CDH1: variants seen among roughly 807,000 people sequenced by gnomAD.
CDH1 encodes the protein cadherin 1.
Under a neutral mutation model 84.5 loss-of-function variants are expected in CDH1, and 35 were observed. That is an observed-to-expected ratio of 0.41 (90% CI 0.32 to 0.55). The LOEUF (loss-of-function observed/expected upper bound fraction) is 0.55. CDH1 is among the 20% of genes least tolerant of loss of function. The pLI is 0.19. For missense variants in CDH1, 994 were observed against 1,126.6 expected (o/e 0.88, Z 1.68); for synonymous variants, 417 against 439.0 (o/e 0.95, Z 0.63).
At chr16:68,743,349 TTC>T (rs1188515233) in intron 2 of CDH1, among the ~76,000 whole-genome samples, 4 of 16,520 alleles carry the variant, frequency 2.4e-4, no homozygotes, top group South Asian at 2.8e-3. Context: ...CTTTCTTTCT[TTC>T]TTTCTTTCTT....
Position 68,737,857 on chromosome 16 carries a change from A to G in CDH1, c.48+394A>G, listed in dbSNP as rs1597838040. 2.6e-5 allele frequency among the ~76,000 whole-genome samples: 4 copies of G among 152,252 alleles called. 1 individual carries two copies. The highest frequency in any genetic ancestry group is 2.6e-4 in the Admixed American group (4 of 15,292). On this transcript the variant is annotated intron_variant, in intron 1 of 15. Transcript: ENST00000261769. Reference sequence around the variant, plus strand: ...CGATCTTCGAGGGAAGGAGAGGGGCATCCGTAGAAATAAAGGCACCTGCCA... The same window carrying G: ...CGATCTTCGAGGGAAGGAGAGGGGCGTCCGTAGAAATAAAGGCACCTGCCA...
intron 2 of CDH1, among the ~76,000 whole-genome samples, chr16:68,743,697 A>G (rs1329768599): frequency 2.6e-5 from 4 of 151,954 alleles, no homozygotes; most frequent in African/African-American, 9.7e-5. Context: ...CCTCAGCTCT[A>G]TCTCCTTTGA....
chr16:68,829,543 A>G, intron 14 of CDH1, 111 bp from the exon 15 acceptor site: 1 of 1,041,242 alleles, frequency 9.6e-7, no homozygotes, highest in South Asian at 1.3e-5. Context: ...AAGATCATAC[A>G]GTTGGCAGTG....
At chr16:68,765,654 C>G (rs1959354248) in intron 2 of CDH1, 1 of 148,828 alleles carries the variant, frequency 6.7e-6, no homozygotes, top group Admixed American at 6.7e-5. Flanking sequence ...CCTGAGTTGT[C>G]TTTGCTTGTT....
At position 68,773,181 on chromosome 16, in the gene CDH1, G is replaced by A. The variant is rs116501583; in HGVS notation, c.164-28489G>A. On this transcript the variant is annotated intron_variant, in intron 2 of 15. Coordinates refer to ENST00000261769, the MANE Select transcript of CDH1 (RefSeq NM_004360.5). ...GGCAGCTGGAGAAGGTGGGTGTTTT[G>A]TGTGTTCCCGTGCTTCAGCTAGATA... 2.0e-3 allele frequency among the ~76,000 whole-genome samples: 297 copies of A among 152,226 alleles called. 1 individual carries two copies. The highest frequency in any genetic ancestry group is 6.8e-3 in the African/African-American group (282 of 41,518).
Position 68,755,735 on chromosome 16 carries a change from ATATTG to A in CDH1, c.163+17325_163+17329del, listed in dbSNP as rs1267552610. On this transcript the variant is annotated intron_variant, in intron 2 of 15. Coordinates refer to ENST00000261769, the MANE Select transcript of CDH1 (RefSeq NM_004360.5). Reference sequence around the variant, plus strand: ...CCCCTCAGCATGTTGCCCAAGAGGAATATTGCTCCAGCAGAGTTTTCTAAATTTTT... The same window carrying A: ...CCCCTCAGCATGTTGCCCAAGAGGAACTCCAGCAGAGTTTTCTAAATTTTT... 5.1e-3 allele frequency among the ~76,000 whole-genome samples: 768 copies of A among 151,654 alleles called. 6 individuals carry two copies. Among genetic ancestry groups the A allele is most frequent in the African/African-American group, 0.016 (670 of 41,340 alleles).
At position 68,787,508 on chromosome 16, in the gene CDH1, A is replaced by AT. The variant is rs879379287; in HGVS notation, c.164-14148dup. Among the ~76,000 whole-genome samples, 475 of 144,756 alleles carry AT rather than the reference A, an allele frequency of 3.3e-3. 2 individuals carry two copies. The highest frequency in any genetic ancestry group is 7.2e-3 in the Middle Eastern group (2 of 278). The allele number at this position is 144,756 out of a possible 152,430, so 95.0% of individuals were successfully genotyped here. A position where few individuals can be genotyped will look rare whatever the true frequency, so the allele number is the denominator to read the frequency against. On this transcript the variant is annotated intron_variant, in intron 2 of 15. Coordinates refer to ENST00000261769, the MANE Select transcript of CDH1 (RefSeq NM_004360.5). The stretch of plus-strand genomic sequence containing the variant: ...TTTTGTTTTCAGTTTTTAGTTGTTG[A>AT]TTTTTTTTTTTTTTAAATAGAGATG...
chr16:68,833,392 C>A lies in CDH1; in HGVS notation c.2542C>A (p.Leu848Met), dbSNP rs1567517746. The A allele has an allele frequency of 6.2e-7, 1 of 1,614,118 alleles. No individual in the cohort carries two copies. Among genetic ancestry groups the A allele is most frequent in the South Asian group, 1.1e-5 (1 of 91,078 alleles). The change falls in exon 16 of 16, where the codon CTG becomes ATG. Residue 848 changes from leucine to methionine, a missense_variant. By Grantham distance (15) the Leu-to-Met change is conservative (BLOSUM62 2). Around this residue, in one of 3 missense-constraint regions of CDH1, gnomAD observed 769 missense variants for 881.8 expected, o/e 0.87. Coordinates refer to ENST00000261769, the MANE Select transcript of CDH1 (RefSeq NM_004360.5). The stretch of plus-strand genomic sequence containing the variant: ...TTCCGAAGCTGCTAGTCTGAGCTCC[C>A]TGAACTCCTCAGAGTCAGACAAAGA... ...SGSEAASLSS[L>M]NSSESDKDQD...
chr16:68,807,803 G>T (rs1178994798), intron 3 of CDH1, among the ~76,000 whole-genome samples: 1 of 152,198 alleles, frequency 6.6e-6, no homozygotes, highest in African/African-American at 2.4e-5. Flanking sequence ...ATTATGGGCT[G>T]GGTGTGGTGG....
intron 15 of CDH1, among the ~76,000 whole-genome samples, chr16:68,830,355 G>C (rs1294093122): frequency 6.6e-6 from 1 of 152,102 alleles, no homozygotes; most frequent in Non-Finnish European, 1.5e-5. Flanking sequence ...AAAGGATTTA[G>C]TAGATCTAGA....
chr16:68,804,745 T>C (rs982459111), intron 3 of CDH1, among the ~76,000 whole-genome samples: 1 of 151,844 alleles, frequency 6.6e-6, no homozygotes, highest in Non-Finnish European at 1.5e-5. Context: ...TGTAATTAGA[T>C]GGCAGTCTTA....
At position 68,815,569 on chromosome 16, in the gene CDH1, G is replaced by A. The variant is rs1567508837; in HGVS notation, c.1375G>A (p.Val459Met). 1.2e-6 allele frequency: 2 copies of A among 1,614,264 alleles called. No homozygotes were observed. Among genetic ancestry groups the A allele is most frequent in the Non-Finnish European group, 8.5e-7 (1 of 1,180,054 alleles). ...CATTCTACACGTAGCAGTGACGAAT[G>A]TGGTACCTTTTGAGGTCTCTCTCAC... The part of the protein sequence containing the change: ...QYILHVAVTN[V>M]VPFEVSLTTS... Residue 459 changes from valine to methionine, a missense_variant, in exon 10 of 16, where the codon GTG becomes ATG. Val to Met is a conservative substitution (Grantham distance 21, BLOSUM62 1). This residue lies in a region of CDH1 where 769 missense variants were observed against 881.8 expected (regional missense o/e 0.87). Transcript: ENST00000261769.
rs754079026 is a variant in CDH1 at position 68,828,296 on chromosome 16, GAGGACC to G, written c.2291_2295+1del. 6.2e-7 allele frequency: 1 copy of G among 1,614,104 alleles called. No individual in the cohort carries two copies. The highest frequency in any genetic ancestry group is 8.5e-7 in the Non-Finnish European group (1 of 1,179,976). Reference sequence around the variant, plus strand: ...CTATGATGAAGAAGGAGGCGGAGAAGAGGACCAGGTGGGTTTTGAAAACCTTGGTAG... The same window carrying G: ...CTATGATGAAGAAGGAGGCGGAGAAGAGGTGGGTTTTGAAAACCTTGGTAG... On this transcript the variant is annotated inframe_deletion and splice_region_variant, in exon 14 of 16. Coordinates refer to ENST00000261769, the MANE Select transcript of CDH1 (RefSeq NM_004360.5).
chr16:68,742,061 C>T (rs747190111), intron 2 of CDH1, among the ~76,000 whole-genome samples: 2 of 152,164 alleles, frequency 1.3e-5, no homozygotes, highest in Non-Finnish European at 2.9e-5. Context: ...AGTTTGGGAT[C>T]TCTGAAGTAT....
chr16:68,811,659 C>T (rs2152131841), intron 6 of CDH1, 25 bp from the exon 7 acceptor site: 2 of 1,612,226 alleles, frequency 1.2e-6, no homozygotes, highest in Non-Finnish European at 1.7e-6. Context: ...CTTGTCTAAA[C>T]CTTCATCTCC....
At chr16:68,779,998 C>G (rs1358270281) in intron 2 of CDH1, among the ~76,000 whole-genome samples, 1 of 152,222 alleles carries the variant, frequency 6.6e-6, no homozygotes, top group Non-Finnish European at 1.5e-5. Flanking sequence ...GCCCGGCTCT[C>G]TACAATGAGG....
At chr16:68,793,295 C>T (rs911276684) in intron 2 of CDH1, among the ~76,000 whole-genome samples, 2 of 152,108 alleles carry the variant, frequency 1.3e-5, no homozygotes, top group African/African-American at 4.8e-5. Flanking sequence ...TTGGAATATC[C>T]TTAGGTTTCT....
chr16:68,744,515 G>T (rs1300282151), intron 2 of CDH1, among the ~76,000 whole-genome samples: 2 of 152,016 alleles, frequency 1.3e-5, no homozygotes, highest in African/African-American at 4.8e-5. Flanking sequence ...GCTTGTTCTT[G>T]TTACTCTTGG....
intron 9 of CDH1, 165 bp downstream of exon 9, chr16:68,813,660 A>G (rs1410951318): frequency 3.9e-6 from 3 of 777,070 alleles, no homozygotes; most frequent in Middle Eastern, 2.4e-4. Context: ...CTTCCTGCTC[A>G]TGTAAGAAAT....
Sources: gnomAD v4.1 joint callset for allele counts (sites outside exome capture counted in the v4.1 genomes callset) on GRCh38, gnomAD v4.1.1 for gene constraint, gnomAD v4.1.1 regional missense constraint, MANE v1.5 for transcripts, NCBI Gene and HGNC (gene_info 2026-07-23, HGNC 2026-07-21) for gene names.